The following HIP1 variants were observed in gnomAD, a reference collection of about 807,000 sequenced individuals.
HIP1 encodes the protein huntingtin interacting protein 1, also known as huntingtin-interacting protein 1.
Under a neutral mutation model 147.6 loss-of-function variants are expected in HIP1, and 65 were observed. The observed-to-expected ratio is 0.44, with a 90% CI of 0.36 to 0.54. The LOEUF (loss-of-function observed/expected upper bound fraction) is 0.54. Ranked by LOEUF, HIP1 falls within the 20% of genes least tolerant of loss-of-function variation. The pLI, the probability that HIP1 is intolerant of heterozygous loss-of-function variation, is 0.00. For synonymous variants in HIP1, 479 were observed against 504.0 expected (o/e 0.95, Z 0.67); for missense variants, 1,061 against 1,299.6 (o/e 0.82, Z 2.82).
At chr7:75,604,742 C>G (rs891939798) in intron 1 of HIP1, among the ~76,000 whole-genome samples, 1 of 152,022 alleles carries the variant, frequency 6.6e-6, no homozygotes, top group Non-Finnish European at 1.5e-5. Context: ...TGCTTCAGGG[C>G]CTCTAGGGAG....
At chr7:75,547,988 T>G (rs1186170462) in intron 23 of HIP1, among the ~76,000 whole-genome samples, 175 bp from the exon 24 acceptor site, 1 of 151,984 alleles carries the variant, frequency 6.6e-6, no homozygotes, top group African/African-American at 2.4e-5. Context: ...TCTAACCTAT[T>G]CAGGGGGAGT....
chr7:75,616,360 C>T (rs1554506013), intron 1 of HIP1, among the ~76,000 whole-genome samples: 1 of 151,860 alleles, frequency 6.6e-6, no homozygotes, highest in African/African-American at 2.4e-5. Context: ...GCCTTGAACT[C>T]CTGGGTTCAT....
intron 1 of HIP1, among the ~76,000 whole-genome samples, chr7:75,642,764 A>G (rs1798688036): frequency 4.6e-5 from 7 of 152,264 alleles, no homozygotes; most frequent in Admixed American, 4.6e-4. Flanking sequence ...GACCCATCGG[A>G]CACAGCCAGT....
At chr7:75,547,987 T>C (rs1255039206) in intron 23 of HIP1, among the ~76,000 whole-genome samples, 174 bp from the exon 24 acceptor site, 9 of 152,026 alleles carry the variant, frequency 5.9e-5, no homozygotes, top group Admixed American at 5.9e-4. Context: ...CTCTAACCTA[T>C]TCAGGGGGAG....
At chr7:75,545,792 A>G (rs1794538729) in intron 25 of HIP1, among the ~76,000 whole-genome samples, 1 of 149,190 alleles carries the variant, frequency 6.7e-6, no homozygotes, top group Admixed American at 6.7e-5. Flanking sequence ...AAAAATACAA[A>G]AATTAGCTGG....
intron 1 of HIP1, among the ~76,000 whole-genome samples, chr7:75,723,982 A>C (rs1801578530): frequency 6.6e-6 from 1 of 151,636 alleles, no homozygotes; most frequent in Non-Finnish European, 1.5e-5. Context: ...AGAGAGACAG[A>C]GTCTCGCTCT....
intron 16 of HIP1, 49 bp downstream of exon 16, chr7:75,557,605 A>G (rs1554493657): frequency 1.4e-6 from 2 of 1,402,082 alleles, no homozygotes; most frequent in South Asian, 2.3e-5. Flanking sequence ...CCCGCCACCA[A>G]CTCAACAGCC....
intron 1 of HIP1, among the ~76,000 whole-genome samples, chr7:75,682,678 G>C (rs1554517080): frequency 6.6e-6 from 1 of 152,092 alleles, no homozygotes; most frequent in Non-Finnish European, 1.5e-5. Flanking sequence ...GCGTATGCAG[G>C]TCTTTAACCC....
intron 1 of HIP1, among the ~76,000 whole-genome samples, chr7:75,605,367 T>A (rs1797184557): frequency 6.6e-6 from 1 of 151,810 alleles, no homozygotes; most frequent in African/African-American, 2.4e-5. Context: ...CCGGGGGGGA[T>A]GGAGGAGAAG....
At position 75,559,919 on chromosome 7, in the gene HIP1, T is replaced by TG. The variant is rs782521553; in HGVS notation, c.1192-5dup. 9.4e-6 allele frequency: 15 copies of TG among 1,594,314 alleles called. No individual in the cohort carries two copies. The highest frequency in any genetic ancestry group is 1.8e-4 in the Middle Eastern group (1 of 5,508). Reference sequence around the variant, plus strand: ...GCTGCAGCACAACCCGCTGGCTCTGTGGGGGGACTCCGGTCATGAGGCCAA... The same window carrying TG: ...GCTGCAGCACAACCCGCTGGCTCTGTGGGGGGGACTCCGGTCATGAGGCCAA... On this transcript the variant is annotated splice_polypyrimidine_tract_variant and splice_region_variant and intron_variant, in intron 13 of 30. Transcript: ENST00000336926.
At chr7:75,708,315 T>A (rs749949706) in intron 1 of HIP1, among the ~76,000 whole-genome samples, 1 of 152,208 alleles carries the variant, frequency 6.6e-6, no homozygotes, top group Non-Finnish European at 1.5e-5. Flanking sequence ...TTTTTAATGT[T>A]GATAGTGTCT....
At chr7:75,697,543 T>C (rs1281687600) in intron 1 of HIP1, among the ~76,000 whole-genome samples, 1 of 152,214 alleles carries the variant, frequency 6.6e-6, no homozygotes, top group Non-Finnish European at 1.5e-5. Context: ...TCCAGATAAA[T>C]GTTAGAATTT....
At chr7:75,672,873 C>T (rs112566802) in intron 1 of HIP1, among the ~76,000 whole-genome samples, 17,168 of 152,042 alleles carry the variant, frequency 0.11, 1,006 homozygotes, top group East Asian at 0.15. Context: ...TCTTGTCATC[C>T]TTGTTGACTA....
intron 1 of HIP1, among the ~76,000 whole-genome samples, chr7:75,608,710 G>C (rs1315276280): frequency 1.3e-5 from 2 of 152,212 alleles, no homozygotes; most frequent in African/African-American, 4.8e-5. Context: ...TCATGAAAGA[G>C]AACTCCTCAT....
chr7:75,725,985 T>TTTTGTTTG (rs150094164), intron 1 of HIP1, among the ~76,000 whole-genome samples: 1 of 151,620 alleles, frequency 6.6e-6, no homozygotes, highest in Admixed American at 6.6e-5. Flanking sequence ...CATGCCCAGT[T>TTTTGTTTG]TTTGTTTGTT....
chr7:75,595,865 T>G (rs587759087), intron 2 of HIP1, among the ~76,000 whole-genome samples: 1 of 152,196 alleles, frequency 6.6e-6, no homozygotes, highest in Admixed American at 6.5e-5. Flanking sequence ...CTGTGATAAA[T>G]GTGTAAGCAG....
At position 75,559,807 on chromosome 7, in the gene HIP1, G is replaced by T; in HGVS notation, c.1300C>A (p.Arg434=). ...CTCCTGAGCTCGTCCAGTTCTGCCC[G>T]CAGGAATTCACAGTCGTCGGCCGCC... The part of the protein sequence containing the change: ...QQAADDCEFL[R]AELDELRRQR... The change falls in exon 14 of 31, where the codon CGG becomes AGG. Residue 434 remains arginine, a synonymous_variant. Transcript: ENST00000336926. 6.2e-7 allele frequency: 1 copy of T among 1,600,462 alleles called. No individual in the cohort carries two copies. The highest frequency in any genetic ancestry group is 1.4e-5 in the African/African-American group (1 of 73,794).
At chr7:75,646,183 G>A (rs1273194504) in intron 1 of HIP1, among the ~76,000 whole-genome samples, 4 of 151,998 alleles carry the variant, frequency 2.6e-5, no homozygotes, top group African/African-American at 9.7e-5. Context: ...GGGTTCAAAC[G>A]ATTCTCCCAC....
intron 1 of HIP1, among the ~76,000 whole-genome samples, chr7:75,732,314 A>G (rs1200453984): frequency 6.6e-6 from 1 of 151,998 alleles, no homozygotes; most frequent in Non-Finnish European, 1.5e-5. Flanking sequence ...ATGCATTAAG[A>G]TCCTTTGCTC....
Sources: gnomAD v4.1 joint callset for allele counts (sites outside exome capture counted in the v4.1 genomes callset) on GRCh38, gnomAD v4.1.1 for gene constraint, MANE v1.5 for transcripts, NCBI Gene and HGNC (gene_info 2026-07-23, HGNC 2026-07-21) for gene names.